Variants in FLI1 observed in about 807,000 individuals in gnomAD.
The protein encoded by FLI1 is Friend leukemia integration 1 transcription factor.
FLI1 carries 13 observed loss-of-function variants against 53.1 expected under a neutral mutation model. The observed-to-expected ratio is 0.24, with a 90% CI of 0.16 to 0.39. FLI1 has a LOEUF of 0.39. FLI1 is among the 10% of genes least tolerant of loss of function. The pLI, the probability that FLI1 is intolerant of heterozygous loss-of-function variation, is 1.00. For missense variants in FLI1, 424 were observed against 600.5 expected (o/e 0.71, Z 3.07); for synonymous variants, 244 against 236.7 (o/e 1.03, Z -0.28).
chr11:128,695,443 C>T (rs1159971696), intron 1 of FLI1, among the ~76,000 whole-genome samples: 1 of 152,144 alleles, frequency 6.6e-6, no homozygotes, highest in Non-Finnish European at 1.5e-5. Context: ...CTGGCAGAGC[C>T]CGCCATTCCC....
At chr11:128,740,217 C>T (rs372037560) in intron 1 of FLI1, among the ~76,000 whole-genome samples, 10 of 152,328 alleles carry the variant, frequency 6.6e-5, no homozygotes, top group African/African-American at 2.4e-4. Flanking sequence ...AGAGATCAGA[C>T]CATCTCCAAC....
upstream of FLI1, among the ~76,000 whole-genome samples, chr11:128,689,290 C>G (rs1432522594): frequency 6.6e-6 from 1 of 152,174 alleles, no homozygotes; most frequent in Non-Finnish European, 1.5e-5. Context: ...GCACGATGCC[C>G]GCGGAGTGCA....
intron 2 of FLI1, among the ~76,000 whole-genome samples, chr11:128,767,337 C>T (rs1941381284): frequency 6.6e-6 from 1 of 152,218 alleles, no homozygotes; most frequent in Non-Finnish European, 1.5e-5. Flanking sequence ...GGACTCCATT[C>T]CTTCTCCAAG....
chr11:128,809,990 G>T lies in FLI1; in HGVS notation c.830-469G>T, dbSNP rs540828513. On this transcript the variant is annotated intron_variant, in intron 8 of 8. Transcript: ENST00000527786. ...CCATCCAAAAGCTAAAGCTCATGGC[G>T]CAGCTTCTCCCAATGACTCCCACAG... Among the ~76,000 whole-genome samples the T allele has an allele frequency of 5.9e-5, 9 of 152,270 alleles. No homozygotes were observed. In the South Asian group the frequency reaches 6.2e-4, roughly 11 times the overall value.
chr11:128,711,218 G>C (rs1329745072), intron 1 of FLI1, among the ~76,000 whole-genome samples: 1 of 152,178 alleles, frequency 6.6e-6, no homozygotes, highest in African/African-American at 2.4e-5. Context: ...AGCTACCATA[G>C]TGGGCAGTAC....
chr11:128,744,873 A>G (rs1358884921), intron 1 of FLI1, among the ~76,000 whole-genome samples: 1 of 152,224 alleles, frequency 6.6e-6, no homozygotes, highest in Non-Finnish European at 1.5e-5. Flanking sequence ...TAAATATAAA[A>G]GCAACATGAC....
Position 128,772,651 on chromosome 11 carries a change from G to C in FLI1, c.386-131G>C, listed in dbSNP as rs866590463. 10 of 747,226 alleles carry C rather than the reference G, an allele frequency of 1.3e-5. No homozygotes were observed. The African/African-American group carries it at 1.4e-4, about 10-fold the overall frequency. The allele number at this position is 747,226 out of a possible 1,614,324, so 46.3% of individuals were successfully genotyped here. A position where few individuals can be genotyped will look rare whatever the true frequency, so the allele number is the denominator to read the frequency against. ...CTGATGAGTGTTCTAGGGGAACCAT[G>C]TGGAAGGGAGCTCTCCCAGAGAGAA... On this transcript the variant is annotated intron_variant, in intron 3 of 8. Coordinates refer to ENST00000527786, the MANE Select transcript of FLI1 (RefSeq NM_002017.5).
At chr11:128,768,419 C>T (rs764008077) in intron 3 of FLI1, 147 bp downstream of exon 3, 86 of 915,538 alleles carry the variant, frequency 9.4e-5, no homozygotes, top group South Asian at 8.9e-4. Flanking sequence ...TGGTGGCTCG[C>T]GCCTGTAATC....
At chr11:128,720,535 C>G (rs1939209802) in intron 1 of FLI1, among the ~76,000 whole-genome samples, 1 of 152,192 alleles carries the variant, frequency 6.6e-6, no homozygotes. Context: ...TCGCTCACCT[C>G]CTTGTGCCTC....
At chr11:128,807,891 A>G (rs1016623023) in intron 7 of FLI1, among the ~76,000 whole-genome samples, 1 of 152,134 alleles carries the variant, frequency 6.6e-6, no homozygotes, top group Non-Finnish European at 1.5e-5. Context: ...CTTCCTCCGA[A>G]ATCCTTTGCA....
intron 4 of FLI1, among the ~76,000 whole-genome samples, chr11:128,781,025 G>C: frequency 6.6e-6 from 1 of 152,028 alleles, no homozygotes; most frequent in East Asian, 1.9e-4. Context: ...AGGAAAGAAG[G>C]GAGAATGTGT....
intron 1 of FLI1, among the ~76,000 whole-genome samples, chr11:128,687,280 C>A (rs1355537887): frequency 6.7e-6 from 1 of 150,074 alleles, no homozygotes; most frequent in East Asian, 1.9e-4. Context: ...TTTTTTTTTT[C>A]TTTTCCACAA....
chr11:128,701,813 G>T (rs1373047794), intron 1 of FLI1, among the ~76,000 whole-genome samples: 1 of 152,192 alleles, frequency 6.6e-6, no homozygotes, highest in Admixed American at 6.5e-5. Flanking sequence ...CATGCAAGAG[G>T]CTGGAATTAC....
At chr11:128,751,558 G>A (rs1367202900) in intron 1 of FLI1, among the ~76,000 whole-genome samples, 6 of 151,334 alleles carry the variant, frequency 4.0e-5, no homozygotes, top group Admixed American at 6.6e-5. Context: ...ACGGAGTCTC[G>A]CTCTGTCGCC....
At chr11:128,764,091 G>A (rs1591792031) in intron 2 of FLI1, among the ~76,000 whole-genome samples, 1 of 152,316 alleles carries the variant, frequency 6.6e-6, no homozygotes, top group Non-Finnish European at 1.5e-5. Flanking sequence ...GTGAGCCTGG[G>A]CTCAGATGTG....
In FLI1 at chr11:128,758,173, C is replaced by T. The variant is rs1327090593; in HGVS notation, c.77C>T (p.Ala26Val). Residue 26 changes from alanine to valine, a missense_variant, in exon 2 of 9, where the codon GCA becomes GTA. This residue lies in a region of FLI1 where 137 missense variants were observed against 169.1 expected (regional missense o/e 0.81). Coordinates refer to ENST00000527786, the MANE Select transcript of FLI1 (RefSeq NM_002017.5). ...CTCTTTGACTCAGCGTACGGAGCGG[C>T]AGCCCATCTCCCCAAGGCCGACATG... is the stretch of plus-strand genomic sequence containing the variant. Reference protein sequence around the residue: ...QSLFDSAYGAAAHLPKADMTA... With the variant: ...QSLFDSAYGAVAHLPKADMTA... 1.2e-6 allele frequency: 2 copies of T among 1,613,482 alleles called. No homozygotes were observed. Among genetic ancestry groups the T allele is most frequent in the Admixed American group, 3.3e-5 (2 of 59,972 alleles).
At chr11:128,728,408 G>A (rs775318657) in intron 1 of FLI1, among the ~76,000 whole-genome samples, 2 of 152,278 alleles carry the variant, frequency 1.3e-5, no homozygotes, top group Non-Finnish European at 1.5e-5. Context: ...GGCAGAGGCC[G>A]CACCTCTTAG....
chr11:128,804,700 C>T (rs1591388850), intron 5 of FLI1: 2 of 152,276 alleles, frequency 1.3e-5, no homozygotes, highest in South Asian at 2.1e-4. Context: ...ATAGAAAAGC[C>T]CGAGAGCCCT....
intron 1 of FLI1, among the ~76,000 whole-genome samples, chr11:128,739,591 T>A (rs1373649331): frequency 2.0e-5 from 3 of 151,914 alleles, no homozygotes; most frequent in Admixed American, 1.3e-4. Flanking sequence ...AGTGGGACAG[T>A]GGGAGGGAGG....
Sources: allele counts gnomAD v4.1 joint callset (sites outside exome capture counted in the v4.1 genomes callset), GRCh38; gene constraint gnomAD v4.1.1; regional missense constraint gnomAD v4.1.1; transcripts MANE v1.5; gene names NCBI Gene and HGNC (gene_info 2026-07-23, HGNC 2026-07-21).